The following ZNF484 variants were observed in gnomAD, a reference collection of about 807,000 sequenced individuals.
ZNF484 encodes the protein zinc finger protein 484.
In ZNF484, 11 loss-of-function variants were observed where a neutral mutation model predicts 12.9. That is an observed-to-expected ratio of 0.85 (90% CI 0.54 to 1.41). The LOEUF is 1.41. ZNF484 is among the 40% of genes most tolerant of loss of function. The probability of loss-of-function intolerance (pLI) is 0.00; values close to 1 mark genes in which losing one functional copy is unlikely to be tolerated. For missense variants in ZNF484, 807 were observed against 1,007.7 expected, an observed-to-expected ratio of 0.80 and a Z score of 2.70; for synonymous variants, 289 against 334.1, an observed-to-expected ratio of 0.86 and a Z score of 1.47.
In ZNF484 at chr9:92,871,544, A is replaced by G. The variant is rs192132519; in HGVS notation, c.15+3471T>C. On this transcript the variant is annotated intron_variant, in intron 2 of 4. Transcript: ENST00000375495. Reference sequence around the variant, plus strand: ...AAGAAATAATGAATGAAAATTTCTGAAACTTCCCGAAAGATATACACTTAC... The same window carrying G: ...AAGAAATAATGAATGAAAATTTCTGGAACTTCCCGAAAGATATACACTTAC... Among the ~76,000 whole-genome samples the G allele has an allele frequency of 2.6e-5, 4 of 152,336 alleles. No individual in the cohort carries two copies. The East Asian group carries it at 7.7e-4, about 29-fold the overall frequency.
intron 1 of ZNF484, among the ~76,000 whole-genome samples, chr9:92,876,371 TAAATC>T: frequency 6.6e-6 from 1 of 152,222 alleles, no homozygotes; most frequent in East Asian, 1.9e-4. Flanking sequence ...TAAAATCAGA[TAAATC>T]ATTATCACAC....
intron 2 of ZNF484, among the ~76,000 whole-genome samples, chr9:92,874,727 A>T (rs1445345347): frequency 6.6e-6 from 1 of 152,232 alleles, no homozygotes; most frequent in African/African-American, 2.4e-5. Flanking sequence ...CTACAGATGA[A>T]ATAAATTACT....
At position 92,845,150 on chromosome 9, in the gene ZNF484, A is replaced by G. The variant is rs1244063691; in HGVS notation, c.*1078T>C. 1 of 152,214 alleles carries G rather than the reference A, an allele frequency of 6.6e-6. No individual in the cohort carries two copies. The highest frequency in any genetic ancestry group is 1.5e-5 in the Non-Finnish European group (1 of 68,016). 9.4% of individuals were successfully genotyped at this position (152,214 alleles called of 1,614,324 possible). On this transcript the variant is annotated 3_prime_UTR_variant, in exon 5 of 5. Transcript: ENST00000375495. This position sits in a 1 kb window ranked among gnomAD's most constrained non-coding sequence, Gnocchi z 4.0. ...AATGATAATGTGTCAATTAACCAGG[A>G]AGATTACAACAATTCTAAATTGTAT...
intron 1 of ZNF484, among the ~76,000 whole-genome samples, chr9:92,875,667 A>G (rs1011305559): frequency 6.6e-6 from 1 of 152,128 alleles, no homozygotes; most frequent in African/African-American, 2.4e-5. Flanking sequence ...TCCATCAGCC[A>G]TCCCAAGAGT....
chr9:92,862,294 C>G, intron 2 of ZNF484: 1 of 225,836 alleles, frequency 4.4e-6, no homozygotes, highest in Non-Finnish European at 7.4e-6. Context: ...TTGTGAACAT[C>G]TTCACAACTT....
rs1855889776 is a variant in ZNF484, at chr9:92,848,987, T to C, written c.236-436A>G. On this transcript the variant is annotated intron_variant, in intron 4 of 4. Transcript: ENST00000375495. The surrounding 1 kb of genome is among the most constrained non-coding windows in gnomAD (Gnocchi z 4.1). ...CAATAGACCTTTGATTCAGGCCGGG[T>C]GTGGTGGCTCACGCCTGTAAGCCCA... is the stretch of plus-strand genomic sequence containing the variant. Among the ~76,000 whole-genome samples, 1 of 151,530 alleles carries C rather than the reference T, an allele frequency of 6.6e-6. No homozygotes were observed. Among genetic ancestry groups the C allele is most frequent in the African/African-American group, 2.4e-5 (1 of 41,294 alleles).
intron 2 of ZNF484, among the ~76,000 whole-genome samples, chr9:92,857,938 T>G (rs1856561115): frequency 6.6e-6 from 1 of 152,142 alleles, no homozygotes. Context: ...GTCTATCTTT[T>G]GTAGAGATGG....
chr9:92,873,316 G>A (rs957724600), intron 2 of ZNF484, among the ~76,000 whole-genome samples: 5 of 152,090 alleles, frequency 3.3e-5, no homozygotes, highest in Admixed American at 2.0e-4. Context: ...ATAAATTTTT[G>A]TTGTTTATTC....
At chr9:92,856,822 C>T (rs956491671) in intron 2 of ZNF484, among the ~76,000 whole-genome samples, 2 of 152,152 alleles carry the variant, frequency 1.3e-5, no homozygotes, top group Non-Finnish European at 2.9e-5. Context: ...CCTGGGTTCA[C>T]GCCATTCTCC....
intron 1 of ZNF484, chr9:92,877,677 C>G (rs1857914553): frequency 8.9e-7 from 1 of 1,124,004 alleles, no homozygotes; most frequent in Non-Finnish European, 1.3e-6. Flanking sequence ...CACCACCAGA[C>G]AGAGACCCCC....
At chr9:92,863,476 A>G (rs896306296) in intron 2 of ZNF484, among the ~76,000 whole-genome samples, 2 of 152,210 alleles carry the variant, frequency 1.3e-5, no homozygotes, top group African/African-American at 4.8e-5. Flanking sequence ...CATTTGAATG[A>G]GCAAGAGTGG....
chr9:92,853,281 C>T (rs921115844), intron 4 of ZNF484, among the ~76,000 whole-genome samples: 4 of 152,092 alleles, frequency 2.6e-5, no homozygotes, highest in Non-Finnish European at 4.4e-5. Flanking sequence ...AGTAGAAAAG[C>T]AGAATGAATT....
chr9:92,877,381 GA>G (rs1357949356), intron 1 of ZNF484, among the ~76,000 whole-genome samples: 1 of 151,982 alleles, frequency 6.6e-6, no homozygotes, highest in East Asian at 1.9e-4. Flanking sequence ...AAGAATGAAT[GA>G]TATATAAATA....
intron 2 of ZNF484, among the ~76,000 whole-genome samples, chr9:92,866,450 C>CAATA (rs1218786700): frequency 2.0e-5 from 3 of 151,932 alleles, no homozygotes; most frequent in African/African-American, 4.8e-5. Flanking sequence ...GATACCATCT[C>CAATA]ATGCCAGTCA....
chr9:92,848,459 C>T lies in ZNF484; in HGVS notation c.328G>A (p.Asp110Asn). ...AATTCTTCTAAAATGGAATATGGGT[C>T]ATCTCTTGTGAAGAGATTAATATTA... ...EININLFTRD[D>N]PYSILEELWK... Residue 110 changes from aspartate (D) to asparagine (N), a missense_variant, in exon 5 of 5, where the codon GAC (aspartate) becomes AAC (asparagine). Transcript: ENST00000375495. This position sits in a 1 kb window ranked among gnomAD's most constrained non-coding sequence, Gnocchi z 4.1. 6.2e-7 allele frequency: 1 copy of T among 1,613,926 alleles called. No homozygotes were observed. Among genetic ancestry groups the T allele is most frequent in the South Asian group, 1.1e-5 (1 of 91,066 alleles).
rs114239933 is a variant in ZNF484, at chr9:92,850,923, T to C, written c.236-2372A>G. Reference sequence around the variant, plus strand: ...ATGGTTCAATTCTTCATCCCTGGTTTGGGGTACTGATGTGATAAATGCATC... The same window carrying C: ...ATGGTTCAATTCTTCATCCCTGGTTCGGGGTACTGATGTGATAAATGCATC... On this transcript the variant is annotated intron_variant, in intron 4 of 4. Transcript: ENST00000375495. 3.3e-3 allele frequency among the ~76,000 whole-genome samples: 500 copies of C among 152,228 alleles called. 1 individual carries two copies. The highest frequency in any genetic ancestry group is 0.011 in the African/African-American group (468 of 41,534).
chr9:92,847,879 C>T lies in ZNF484; in HGVS notation c.908G>A (p.Gly303Glu), dbSNP rs779616764. The change falls in exon 5 of 5, where the codon GGA becomes GAA. Residue 303 changes from glycine to glutamate, a missense_variant. Coordinates refer to ENST00000375495, the MANE Select transcript of ZNF484 (RefSeq NM_031486.4). Reference protein sequence around the residue: ...QLDGSQRVYAGICTEYEKDFS... With the variant: ...QLDGSQRVYAEICTEYEKDFS... ...ATCCTTCTCATATTCAGTGCATATT[C>T]CTGCATAAACCCTCTGACTGCCATC... The T allele has an allele frequency of 1.2e-6, 2 of 1,614,182 alleles. No individual in the cohort carries two copies. Among genetic ancestry groups the T allele is most frequent in the African/African-American group, 1.3e-5 (1 of 75,046 alleles).
chr9:92,861,825 A>G (rs978751263), intron 2 of ZNF484, among the ~76,000 whole-genome samples: 2 of 152,228 alleles, frequency 1.3e-5, no homozygotes, highest in Non-Finnish European at 2.9e-5. Context: ...ATAAATGTAC[A>G]GATTCAAGTC....
rs529906133 is a variant in ZNF484, at chr9:92,856,806, C to T, written c.16-488G>A. Among the ~76,000 whole-genome samples, 3 of 152,328 alleles carry T rather than the reference C, an allele frequency of 2.0e-5. No homozygotes were observed. In the South Asian group the frequency reaches 6.2e-4, roughly 32 times the overall value. On this transcript the variant is annotated intron_variant, in intron 2 of 4. Coordinates refer to ENST00000375495, the MANE Select transcript of ZNF484 (RefSeq NM_031486.4). Reference sequence around the variant, plus strand: ...GCTCGATCTCCACTCACCGCAAGCTCTGCCTCCTGGGTTCACGCCATTCTC... The same window carrying T: ...GCTCGATCTCCACTCACCGCAAGCTTTGCCTCCTGGGTTCACGCCATTCTC...
Sources: gnomAD v4.1 joint callset for allele counts (sites outside exome capture counted in the v4.1 genomes callset) on GRCh38, gnomAD v4.1.1 for gene constraint, Gnocchi (gnomAD v3.1) non-coding constraint, MANE v1.5 for transcripts, NCBI Gene and HGNC (gene_info 2026-07-23, HGNC 2026-07-21) for gene names.